Variants in ARHGAP11A observed in about 807,000 individuals in gnomAD.
The protein encoded by ARHGAP11A is rho GTPase-activating protein 11A.
ARHGAP11A carries 36 observed loss-of-function variants against 60.5 expected under a neutral mutation model. The ratio of observed to expected loss-of-function variants is 0.59; its 90% CI spans 0.46 to 0.79. ARHGAP11A has a LOEUF of 0.79. ARHGAP11A is among the 30% of genes least tolerant of loss of function. The probability of loss-of-function intolerance (pLI) is 0.00; values close to 1 mark genes in which losing one functional copy is unlikely to be tolerated. For synonymous variants in ARHGAP11A, 362 were observed against 415.5 expected (o/e 0.87, Z 1.57); for missense variants, 1,071 against 1,199.2 (o/e 0.89, Z 1.58).
chr15:32,617,673 C>T (rs1360808541), intron 1 of ARHGAP11A, among the ~76,000 whole-genome samples: 2 of 152,098 alleles, frequency 1.3e-5, no homozygotes, highest in East Asian at 3.9e-4. Context: ...GGGATTTCAC[C>T]GTGTTAGCCA....
Position 32,637,412 on chromosome 15 carries a change from T to C in ARHGAP11A, c.2639T>C (p.Leu880Pro). ...AAATCAGTGAGCTGTGACGGTGCTC[T>C]TTCCTCTTGTATAGAAAGTGCATCA... ...LVKSVSCDGA[L>P]SSCIESASKD... Residue 880 changes from leucine (L) to proline (P), a missense_variant, in exon 12 of 12, where the codon CTT becomes CCT. Leu to Pro is a moderately conservative substitution (Grantham distance 98). This residue lies in a region of ARHGAP11A where 776 missense variants were observed against 760.2 expected (regional missense o/e 1.02). Coordinates refer to ENST00000361627, the MANE Select transcript of ARHGAP11A (RefSeq NM_014783.6). The C allele has an allele frequency of 1.9e-6, 3 of 1,614,198 alleles. No homozygotes were observed. The highest frequency in any genetic ancestry group is 1.6e-4 in the Middle Eastern group (1 of 6,062).
In ARHGAP11A at chr15:32,621,964, G is replaced by T. The variant is rs370782351; in HGVS notation, c.201-1528G>T. ...CAATAATCTAGGTTTTAATTGACATGTCATCCAAAAGCAATTATCGAACAC... is the reference window on the plus strand; with the variant it reads ...CAATAATCTAGGTTTTAATTGACATTTCATCCAAAAGCAATTATCGAACAC... On this transcript the variant is annotated intron_variant, in intron 2 of 11. Coordinates refer to ENST00000361627, the MANE Select transcript of ARHGAP11A (RefSeq NM_014783.6). 7.9e-5 allele frequency among the ~76,000 whole-genome samples: 12 copies of T among 152,414 alleles called. No individual in the cohort carries two copies. The East Asian group carries it at 1.7e-3, about 22-fold the overall frequency.
At chr15:32,633,829 A>C in intron 9 of ARHGAP11A, 104 bp from the exon 10 acceptor site, 1 of 674,092 alleles carries the variant, frequency 1.5e-6, no homozygotes, top group South Asian at 1.9e-5. Context: ...CCATCCAATT[A>C]TTATCAATAT....
At chr15:32,618,740 C>T (rs1191846669) in intron 1 of ARHGAP11A, among the ~76,000 whole-genome samples, 1 of 150,838 alleles carries the variant, frequency 6.6e-6, no homozygotes, top group African/African-American at 2.4e-5. Flanking sequence ...TCGAGACCAT[C>T]CTAGCTAACA....
chr15:32,630,708 A>G (rs1423369044), intron 8 of ARHGAP11A, among the ~76,000 whole-genome samples: 1 of 152,070 alleles, frequency 6.6e-6, no homozygotes, highest in East Asian at 1.9e-4. Context: ...GAGAAGTTGA[A>G]CAGAATAGCA....
At chr15:32,628,687 A>G (rs758964407) in intron 6 of ARHGAP11A, 41 bp from the exon 7 acceptor site, 9 of 1,449,034 alleles carry the variant, frequency 6.2e-6, no homozygotes, top group South Asian at 1.3e-5. Flanking sequence ...GTGAAAGACA[A>G]GTAAATGTGA....
chr15:32,617,572 C>T (rs987718933), intron 1 of ARHGAP11A, among the ~76,000 whole-genome samples: 17 of 149,144 alleles, frequency 1.1e-4, no homozygotes, highest in African/African-American at 4.0e-4. Flanking sequence ...CCCGGGTTCA[C>T]GCCATTCTCC....
Position 32,625,597 on chromosome 15 carries a change from G to A in ARHGAP11A, c.826G>A (p.Gly276Ser), listed in dbSNP as rs2053439669. 1 of 1,613,760 alleles carries A rather than the reference G, an allele frequency of 6.2e-7. No individual in the cohort carries two copies. The highest frequency in any genetic ancestry group is 8.5e-7 in the Non-Finnish European group (1 of 1,179,836). Residue 276 changes from glycine (G) to serine (S), a missense_variant, in exon 6 of 12, where the codon GGT becomes AGT. Gly to Ser is a moderately conservative substitution (Grantham distance 56). This residue lies in a region of ARHGAP11A where 196 missense variants were observed against 272.1 expected (regional missense o/e 0.72). Transcript: ENST00000361627. The part of the protein sequence containing the change: ...GFEEGEYETP[G>S]EYKRKRRQSV... The stretch of plus-strand genomic sequence containing the variant: ...TGAAGAAGGTGAATATGAAACTCCT[G>A]GTGAATATAAGAGAAAGAGAAGACA...
chr15:32,622,858 G>A (rs2053369951), intron 2 of ARHGAP11A, among the ~76,000 whole-genome samples: 1 of 152,222 alleles, frequency 6.6e-6, no homozygotes, highest in South Asian at 2.1e-4. Context: ...CACCCATGAA[G>A]AGATAGTAGA....
In ARHGAP11A at chr15:32,636,447, G is replaced by T; in HGVS notation, c.1674G>T (p.Lys558Asn). 6.2e-7 allele frequency: 1 copy of T among 1,613,926 alleles called. No individual in the cohort carries two copies. The highest frequency in any genetic ancestry group is 8.5e-7 in the Non-Finnish European group (1 of 1,179,922). ...NSLEPDIMVEKSPATSCELTP... is the reference protein window; with the variant it reads ...NSLEPDIMVENSPATSCELTP... Reference sequence around the variant, plus strand: ...TGGAGCCTGATATTATGGTAGAAAAGTCACCTGCTACTTCATGTGAACTCA... The same window carrying T: ...TGGAGCCTGATATTATGGTAGAAAATTCACCTGCTACTTCATGTGAACTCA... The change falls in exon 12 of 12, where the codon AAG becomes AAT. Residue 558 changes from lysine (K) to asparagine (N), a missense_variant. Coordinates refer to ENST00000361627, the MANE Select transcript of ARHGAP11A (RefSeq NM_014783.6).
chr15:32,618,071 C>A (rs1009067474), intron 1 of ARHGAP11A, among the ~76,000 whole-genome samples: 22 of 152,154 alleles, frequency 1.4e-4, no homozygotes, highest in African/African-American at 5.1e-4. Context: ...CATATAAATT[C>A]AGCTAGAAAC....
In ARHGAP11A at chr15:32,635,758, C is replaced by T; in HGVS notation, c.1345-19C>T. On this transcript the variant is annotated intron_variant, in intron 10 of 11. Transcript: ENST00000361627. ...AACTAGGCTTATTTCTTAACTAAAA[C>T]TTTTTTTTTTCTGTACAGAATGGAT... is the stretch of plus-strand genomic sequence containing the variant. 2 of 1,371,152 alleles carry T rather than the reference C, an allele frequency of 1.5e-6. No individual in the cohort carries two copies. Among genetic ancestry groups the T allele is most frequent in the Non-Finnish European group, 1.9e-6 (2 of 1,028,104 alleles). The allele number at this position is 1,371,152 out of a possible 1,614,324, so 84.9% of individuals were successfully genotyped here.
At position 32,623,405 on chromosome 15, in the gene ARHGAP11A, A is replaced by C. The variant is rs993728372; in HGVS notation, c.201-87A>C. Reference sequence around the variant, plus strand: ...TGTGGCTTTAGAGCCTCTGAAAGGTACGTAGTGCTTGGCCTGCTCATGTAT... The same window carrying C: ...TGTGGCTTTAGAGCCTCTGAAAGGTCCGTAGTGCTTGGCCTGCTCATGTAT... On this transcript the variant is annotated intron_variant, in intron 2 of 11. Transcript: ENST00000361627. 77 of 1,262,908 alleles carry C rather than the reference A, an allele frequency of 6.1e-5. No homozygotes were observed. The African/African-American group carries it at 7.5e-4, about 12-fold the overall frequency. The allele number at this position is 1,262,908 out of a possible 1,614,324, so 78.2% of individuals were successfully genotyped here. A position where few individuals can be genotyped will look rare whatever the true frequency, so the allele number is the denominator to read the frequency against.
intron 9 of ARHGAP11A, among the ~76,000 whole-genome samples, 156 bp downstream of exon 9, chr15:32,633,264 A>G (rs2053627224): frequency 6.6e-6 from 1 of 152,206 alleles, no homozygotes. Flanking sequence ...TGCCTTTTCA[A>G]TACCCACCAG....
intron 6 of ARHGAP11A, among the ~76,000 whole-genome samples, chr15:32,626,159 T>C (rs2053454114): frequency 6.6e-6 from 1 of 151,192 alleles, no homozygotes; most frequent in Non-Finnish European, 1.5e-5. Context: ...AGATTTATGA[T>C]GTGAGGCATG....
chr15:32,636,790 G>T lies in ARHGAP11A; in HGVS notation c.2017G>T (p.Asp673Tyr). 6.2e-7 allele frequency: 1 copy of T among 1,611,234 alleles called. No individual in the cohort carries two copies. Among genetic ancestry groups the T allele is most frequent in the Non-Finnish European group, 8.5e-7 (1 of 1,179,400 alleles). Residue 673 changes from aspartate (D) to tyrosine (Y), a missense_variant, in exon 12 of 12, where the codon GAC (aspartate) becomes TAC (tyrosine). This residue lies in a region of ARHGAP11A where 776 missense variants were observed against 760.2 expected (regional missense o/e 1.02). Transcript: ENST00000361627. ...AGGTGAAAAATGTTTTTCAGAGAGG[G>T]ACTTTTCACCCCTTCAAACTCAAAC... Reference protein sequence around the residue: ...GKGEKCFSERDFSPLQTQTFN... With the variant: ...GKGEKCFSERYFSPLQTQTFN...
At chr15:32,616,626 G>A (rs1265708978) in intron 1 of ARHGAP11A, among the ~76,000 whole-genome samples, 1 of 152,136 alleles carries the variant, frequency 6.6e-6, no homozygotes, top group African/African-American at 2.4e-5. Context: ...ATGCTGTTCT[G>A]TGAATTGTGG....
intron 1 of ARHGAP11A, among the ~76,000 whole-genome samples, chr15:32,618,430 A>T (rs4479199): frequency 7.9e-5 from 12 of 152,230 alleles, no homozygotes; most frequent in Non-Finnish European, 1.5e-4. Flanking sequence ...AACATTTTTT[A>T]AAATAGTTCA....
At chr15:32,619,952 A>G (rs942660817) in intron 1 of ARHGAP11A, among the ~76,000 whole-genome samples, 156 bp from the exon 2 acceptor site, 2 of 152,170 alleles carry the variant, frequency 1.3e-5, no homozygotes, top group African/African-American at 4.8e-5. Context: ...TTTGTTATCA[A>G]ATGCACTTGA....
Sources: allele counts gnomAD v4.1 joint callset (sites outside exome capture counted in the v4.1 genomes callset), GRCh38; gene constraint gnomAD v4.1.1; regional missense constraint gnomAD v4.1.1; transcripts MANE v1.5; gene names NCBI Gene and HGNC (gene_info 2026-07-23, HGNC 2026-07-21).